SH3RF1: variants seen among roughly 807,000 people sequenced by gnomAD.
SH3RF1 encodes the protein E3 ubiquitin-protein ligase SH3RF1.
In SH3RF1, 32 loss-of-function variants were observed where a neutral mutation model predicts 74.0. That is an observed-to-expected ratio of 0.43 (90% CI 0.33 to 0.58). The LOEUF (loss-of-function observed/expected upper bound fraction) is 0.58. Among genes scored for constraint, SH3RF1 ranks in the 20% least tolerant of loss-of-function variants. The probability of loss-of-function intolerance (pLI) is 0.05; values close to 1 mark genes in which losing one functional copy is unlikely to be tolerated. For missense variants in SH3RF1, 954 were observed against 1,130.9 expected (o/e 0.84, Z 2.24); for synonymous variants, 396 against 439.6 (o/e 0.90, Z 1.24).
chr4:169,228,721 A>G (rs1730689475), intron 2 of SH3RF1, among the ~76,000 whole-genome samples: 1 of 152,186 alleles, frequency 6.6e-6, no homozygotes. Context: ...GGAATGACAC[A>G]TTAGTCTGCC....
At chr4:169,123,697 T>C (rs1733478528) in intron 6 of SH3RF1, among the ~76,000 whole-genome samples, 1 of 152,036 alleles carries the variant, frequency 6.6e-6, no homozygotes, top group African/African-American at 2.4e-5. Flanking sequence ...CGAGACCATT[T>C]TGGCTAACAC....
chr4:169,259,160 GT>G (rs757401469), intron 2 of SH3RF1, among the ~76,000 whole-genome samples: 1 of 152,018 alleles, frequency 6.6e-6, no homozygotes, highest in Non-Finnish European at 1.5e-5. Flanking sequence ...TTGATAAGCA[GT>G]TTTTTCTGGC....
At chr4:169,175,505 T>C (rs1472984355) in intron 2 of SH3RF1, among the ~76,000 whole-genome samples, 1 of 152,216 alleles carries the variant, frequency 6.6e-6, no homozygotes, top group Admixed American at 6.5e-5. Flanking sequence ...CTTTTCCTTC[T>C]GCTTAGAATA....
intron 2 of SH3RF1, among the ~76,000 whole-genome samples, chr4:169,184,178 T>C (rs1734566392): frequency 6.6e-6 from 1 of 152,236 alleles, no homozygotes; most frequent in Non-Finnish European, 1.5e-5. Context: ...CATCCCCTAC[T>C]TCTGAAATCC....
chr4:169,105,418 C>T (rs1733116678), intron 11 of SH3RF1, among the ~76,000 whole-genome samples: 1 of 152,140 alleles, frequency 6.6e-6, no homozygotes, highest in African/African-American at 2.4e-5. Context: ...TTTCCTAACA[C>T]ATTCCTAGAA....
intron 5 of SH3RF1, among the ~76,000 whole-genome samples, chr4:169,134,902 G>A (rs916328591): frequency 1.3e-5 from 2 of 152,154 alleles, no homozygotes; most frequent in Non-Finnish European, 2.9e-5. Flanking sequence ...CTAGTTGTGC[G>A]TTGTGCGTGT....
chr4:169,166,992 A>C, intron 2 of SH3RF1: 1 of 223,792 alleles, frequency 4.5e-6, no homozygotes, highest in South Asian at 7.5e-5. Context: ...GACCAGTGCA[A>C]GGTTGATCAG....
At chr4:169,141,792 C>G (rs1468083792) in intron 4 of SH3RF1, among the ~76,000 whole-genome samples, 2 of 150,198 alleles carry the variant, frequency 1.3e-5, no homozygotes, top group Admixed American at 1.3e-4. Context: ...CAAGTGCCAC[C>G]ATGGCCCGCC....
intron 11 of SH3RF1, among the ~76,000 whole-genome samples, chr4:169,102,937 T>TTG (rs1733064900): frequency 6.8e-6 from 1 of 146,330 alleles, no homozygotes; most frequent in Non-Finnish European, 1.5e-5. Context: ...TTTTTTTTTT[T>TTG]TTGAGATGGA....
intron 8 of SH3RF1, among the ~76,000 whole-genome samples, chr4:169,119,172 C>T (rs551543866): frequency 2.6e-5 from 4 of 151,620 alleles, no homozygotes; most frequent in African/African-American, 9.7e-5. Flanking sequence ...GGCATGATCT[C>T]GGCTCACTGC....
At chr4:169,108,605 T>A (rs1030454192) in intron 10 of SH3RF1, among the ~76,000 whole-genome samples, 1 of 152,220 alleles carries the variant, frequency 6.6e-6, no homozygotes, top group African/African-American at 2.4e-5. Context: ...CAGAGCCAGC[T>A]GATCCCCACC....
At chr4:169,249,897 T>C (rs1380013070) in intron 2 of SH3RF1, among the ~76,000 whole-genome samples, 2 of 152,170 alleles carry the variant, frequency 1.3e-5, no homozygotes, top group South Asian at 2.1e-4. Flanking sequence ...CTGACATTAA[T>C]CATCAGGCTC....
At chr4:169,202,725 T>C (rs1734931460) in intron 2 of SH3RF1, among the ~76,000 whole-genome samples, 1 of 152,086 alleles carries the variant, frequency 6.6e-6, no homozygotes, top group Non-Finnish European at 1.5e-5. Context: ...AGTGGAGAAA[T>C]AGCTTATGAC....
At chr4:169,201,096 G>T (rs1734899926) in intron 2 of SH3RF1, among the ~76,000 whole-genome samples, 1 of 151,778 alleles carries the variant, frequency 6.6e-6, no homozygotes, top group Non-Finnish European at 1.5e-5. Context: ...CTGGCAATTT[G>T]AAAAAAACCT....
At chr4:169,104,055 G>A (rs1485857462) in intron 11 of SH3RF1, among the ~76,000 whole-genome samples, 1 of 152,160 alleles carries the variant, frequency 6.6e-6, no homozygotes. Context: ...GCAGGAGCCT[G>A]CTGTTAGAAA....
At chr4:169,153,942 A>C (rs1478499711) in intron 4 of SH3RF1, among the ~76,000 whole-genome samples, 2 of 152,212 alleles carry the variant, frequency 1.3e-5, no homozygotes, top group Non-Finnish European at 2.9e-5. Flanking sequence ...GCCTATCTGC[A>C]CAATTCTATA....
intron 2 of SH3RF1, among the ~76,000 whole-genome samples, chr4:169,193,575 TAAATAG>T (rs1267440822): frequency 1.3e-5 from 2 of 152,064 alleles, no homozygotes; most frequent in East Asian, 1.9e-4. Flanking sequence ...CTAGGACAAA[TAAATAG>T]ACATTTACCC....
chr4:169,123,166 T>G (rs530413217), intron 6 of SH3RF1, among the ~76,000 whole-genome samples: 71 of 152,340 alleles, frequency 4.7e-4, no homozygotes, highest in Admixed American at 7.8e-4. Context: ...TGTAAATGGC[T>G]TCTATATGTC....
intron 10 of SH3RF1, among the ~76,000 whole-genome samples, chr4:169,112,487 G>A (rs1345746061): frequency 6.6e-6 from 1 of 152,158 alleles, no homozygotes; most frequent in Non-Finnish European, 1.5e-5. Flanking sequence ...GAAAATATAT[G>A]CATGACCTGA....
Sources: gnomAD v4.1 joint callset for allele counts (sites outside exome capture counted in the v4.1 genomes callset) on GRCh38, gnomAD v4.1.1 for gene constraint, MANE v1.5 for transcripts, NCBI Gene and HGNC (gene_info 2026-07-23, HGNC 2026-07-21) for gene names.